LDLRAD4: variants seen among roughly 807,000 people sequenced by gnomAD.
LDLRAD4 encodes the protein low-density lipoprotein receptor class A domain-containing protein 4.
A neutral mutation model predicts 17.0 loss-of-function variants in LDLRAD4; 5 were observed. That is an observed-to-expected ratio of 0.29 (90% CI 0.15 to 0.62). The LOEUF is 0.62. Ranked by LOEUF, LDLRAD4 falls within the 20% of genes least tolerant of loss-of-function variation. The probability of loss-of-function intolerance (pLI) is 0.84; values close to 1 mark genes in which losing one functional copy is unlikely to be tolerated. For missense variants in LDLRAD4, 340 were observed against 424.7 expected (o/e 0.80, Z 1.75); for synonymous variants, 168 against 171.8 (o/e 0.98, Z 0.17).
At chr18:13,387,674 T>G (rs763347442) in exon 2 of LDLRAD4, 1 of 1,595,322 alleles carries the variant, frequency 6.3e-7, no homozygotes, top group South Asian at 1.1e-5. Flanking sequence ...GGCGGCTTCC[T>G]CGACGGGACA....
intron 3 of LDLRAD4, among the ~76,000 whole-genome samples, chr18:13,578,841 T>TTTTTTTTTTTTTTTTTTTTTA (rs2094814562): frequency 7.5e-6 from 1 of 134,144 alleles, no homozygotes; most frequent in African/African-American, 2.9e-5. Flanking sequence ...TTTTTTTTTT[T>TTTTTTTTTTTTTTTTTTTTTA]TTTTTTTTTT....
intron 4 of LDLRAD4, among the ~76,000 whole-genome samples, chr18:13,634,328 A>T (rs1230411539): frequency 1.3e-5 from 2 of 152,266 alleles, no homozygotes; most frequent in South Asian, 2.1e-4. Flanking sequence ...ATTCTATTTT[A>T]AAAATAACCC....
intron 1 of LDLRAD4, among the ~76,000 whole-genome samples, chr18:13,233,552 A>C (rs2042188193): frequency 6.6e-6 from 1 of 152,052 alleles, no homozygotes; most frequent in Admixed American, 6.5e-5. Context: ...TCTCTAAGCA[A>C]AGATGTCTTT....
At chr18:13,220,438 C>G (rs933151551) in intron 1 of LDLRAD4, among the ~76,000 whole-genome samples, 2 of 152,172 alleles carry the variant, frequency 1.3e-5, no homozygotes, top group African/African-American at 4.8e-5. Context: ...CTCTTGAATC[C>G]TCTCATGGGC....
At position 13,622,920 on chromosome 18, in the gene LDLRAD4, C is replaced by T. The variant is rs544332770; in HGVS notation, c.336+1649C>T. On this transcript the variant is annotated intron_variant, in intron 4 of 5. Coordinates refer to ENST00000359446, the Ensembl canonical transcript of LDLRAD4. This position sits in a 1 kb window ranked among gnomAD's most constrained non-coding sequence, Gnocchi z 5.3. ...CTTGGGGTCTCTGTGCGCAGGCACA[C>T]AGGGAGTTTTCTGTCCCCTGCCTGG... Among the ~76,000 whole-genome samples the T allele has an allele frequency of 6.6e-6, 1 of 152,298 alleles. No homozygotes were observed. Among genetic ancestry groups the T allele is most frequent in the Non-Finnish European group, 1.5e-5 (1 of 68,022 alleles).
rs1215118980 is a variant in LDLRAD4 at position 13,557,520 on chromosome 18, C to T, written c.182-63597C>T. ...GGTTCACGCCATTCTCCTGCCTCAG[C>T]CTCCCAAGTAGCTGGGACTACAGGC... On this transcript the variant is annotated intron_variant, in intron 3 of 5. Transcript: ENST00000359446. 3.3e-5 allele frequency among the ~76,000 whole-genome samples: 5 copies of T among 152,328 alleles called. No individual in the cohort carries two copies. In the South Asian group the frequency reaches 8.3e-4, roughly 25 times the overall value.
chr18:13,521,349 G>A (rs1288443089), intron 3 of LDLRAD4: 1 of 152,196 alleles, frequency 6.6e-6, no homozygotes, highest in Admixed American at 6.5e-5. Context: ...AGACTATTTT[G>A]TGATTTGCTA....
intron 1 of LDLRAD4, among the ~76,000 whole-genome samples, chr18:13,256,993 AATTGCCT>A (rs1276078891): frequency 6.6e-6 from 1 of 152,220 alleles, no homozygotes; most frequent in South Asian, 2.1e-4. Context: ...GTGATGAGAA[AATTGCCT>A]ATGTGGGAAC....
chr18:13,427,632 T>C (rs2090044359), intron 2 of LDLRAD4, among the ~76,000 whole-genome samples: 1 of 152,200 alleles, frequency 6.6e-6, no homozygotes, highest in African/African-American at 2.4e-5. Flanking sequence ...GAGAGAACAT[T>C]GTGATTTAGG....
chr18:13,337,529 G>T (rs1461813901), intron 1 of LDLRAD4, among the ~76,000 whole-genome samples: 1 of 152,136 alleles, frequency 6.6e-6, no homozygotes, highest in African/African-American at 2.4e-5. Flanking sequence ...TACAGATAAG[G>T]AAAGTGGTTT....
At chr18:13,612,960 A>G (rs941425487) in intron 3 of LDLRAD4, 2 of 600,636 alleles carry the variant, frequency 3.3e-6, no homozygotes, top group Non-Finnish European at 2.9e-6. Context: ...AGGAAGATGC[A>G]TGTCAGGCTT....
intron 3 of LDLRAD4, among the ~76,000 whole-genome samples, chr18:13,531,502 ATC>A (rs2094126544): frequency 6.7e-6 from 1 of 149,714 alleles, no homozygotes; most frequent in African/African-American, 2.5e-5. Context: ...AGGCAAGAGG[ATC>A]ACTTTAGGCC....
chr18:13,415,869 G>A (rs1375138379), intron 2 of LDLRAD4, among the ~76,000 whole-genome samples: 1 of 152,238 alleles, frequency 6.6e-6, no homozygotes, highest in Non-Finnish European at 1.5e-5. Context: ...TGTACCCCAC[G>A]TGGCTCCTTC....
chr18:13,384,659 G>A (rs749687873), intron 1 of LDLRAD4, among the ~76,000 whole-genome samples: 15 of 152,132 alleles, frequency 9.9e-5, no homozygotes, highest in Non-Finnish European at 1.8e-4. Context: ...GTGAGATCAT[G>A]TAGTACTTGT....
chr18:13,387,679 G>T (rs774530664), exon 2 of LDLRAD4: 1 of 1,603,792 alleles, frequency 6.2e-7, no homozygotes, highest in Non-Finnish European at 8.5e-7. Flanking sequence ...CTTCCTCGAC[G>T]GGACAGCGCA....
Position 13,620,907 on chromosome 18 carries a change from T to TC in LDLRAD4, c.182-206dup. The TC allele has an allele frequency of 2.2e-5, 14 of 644,156 alleles. No individual in the cohort carries two copies. In the South Asian group the frequency reaches 2.7e-4, roughly 13 times the overall value. The allele number at this position is 644,156 out of a possible 1,614,324, so 39.9% of individuals were successfully genotyped here. A position where few individuals can be genotyped will look rare whatever the true frequency, so the allele number is the denominator to read the frequency against. ...GTGGGGGATGGCAGAGGCTTCCCGC[T>TC]CCCCGCAGCTGGTTTGCACAGCCTC... On this transcript the variant is annotated intron_variant, in intron 3 of 5. Coordinates refer to ENST00000359446, the Ensembl canonical transcript of LDLRAD4.
Position 13,571,795 on chromosome 18 carries a change from C to A in LDLRAD4, c.182-49322C>A, listed in dbSNP as rs529717860. Among the ~76,000 whole-genome samples the A allele has an allele frequency of 1.2e-4, 19 of 152,284 alleles. No individual in the cohort carries two copies. The South Asian group carries it at 3.9e-3, about 32-fold the overall frequency. Reference sequence around the variant, plus strand: ...GGGACTACAGGCGCCCGCCACTATGCCTGGCTAATTTTTTGTGTTTTTAGT... The same window carrying A: ...GGGACTACAGGCGCCCGCCACTATGACTGGCTAATTTTTTGTGTTTTTAGT... On this transcript the variant is annotated intron_variant, in intron 3 of 5. Coordinates refer to ENST00000359446, the Ensembl canonical transcript of LDLRAD4.
At chr18:13,585,690 T>C (rs1259332027) in intron 3 of LDLRAD4, among the ~76,000 whole-genome samples, 1 of 152,220 alleles carries the variant, frequency 6.6e-6, no homozygotes, top group Admixed American at 6.5e-5. Context: ...GACAACTGCT[T>C]TTCCAGATTT....
At chr18:13,270,041 G>A (rs1422678929) in intron 1 of LDLRAD4, among the ~76,000 whole-genome samples, 7 of 152,082 alleles carry the variant, frequency 4.6e-5, no homozygotes, top group Admixed American at 2.0e-4. Flanking sequence ...TCACTGGACC[G>A]CTGTGCTGGT....
Sources: gnomAD v4.1 joint callset for allele counts (sites outside exome capture counted in the v4.1 genomes callset) on GRCh38, gnomAD v4.1.1 for gene constraint, Gnocchi (gnomAD v3.1) non-coding constraint, MANE v1.5 for transcripts, NCBI Gene and HGNC (gene_info 2026-07-23, HGNC 2026-07-21) for gene names.